Variants in RAPGEF1 observed in about 807,000 individuals in gnomAD.
The protein encoded by RAPGEF1 is CRK SH3-binding GNRP.
RAPGEF1 carries 33 observed loss-of-function variants against 143.3 expected under a neutral mutation model. That is an observed-to-expected ratio of 0.23 (90% CI 0.17 to 0.31). The LOEUF is 0.31. Ranked by LOEUF, RAPGEF1 falls within the 10% of genes least tolerant of loss-of-function variation. RAPGEF1 has a pLI of 1.00. For missense variants in RAPGEF1, 1,199 were observed against 1,645.4 expected, an observed-to-expected ratio of 0.73 and a Z score of 4.69; for synonymous variants, 629 against 676.5, an observed-to-expected ratio of 0.93 and a Z score of 1.09.
intron 10 of RAPGEF1, 68 bp from the exon 11 acceptor site, chr9:131,622,066 T>C: frequency 7.0e-7 from 1 of 1,424,188 alleles, no homozygotes; most frequent in Non-Finnish European, 9.7e-7. Flanking sequence ...CTCCCCCCAT[T>C]CTTCCCACAG....
chr9:131,648,249 G>T (rs1970186769), intron 3 of RAPGEF1, among the ~76,000 whole-genome samples: 1 of 152,174 alleles, frequency 6.6e-6, no homozygotes, highest in Non-Finnish European at 1.5e-5. Flanking sequence ...AAATTAGCCA[G>T]GCGTGGTAGA....
At chr9:131,582,254 G>C (rs998401902) in intron 25 of RAPGEF1, among the ~76,000 whole-genome samples, 2 of 152,110 alleles carry the variant, frequency 1.3e-5, no homozygotes, top group African/African-American at 4.8e-5. Flanking sequence ...CCATGTGTGG[G>C]GAGAGGAGCC....
intron 1 of RAPGEF1, among the ~76,000 whole-genome samples, chr9:131,704,394 C>A (rs1834897378): frequency 6.6e-6 from 1 of 151,716 alleles, no homozygotes; most frequent in Non-Finnish European, 1.5e-5. Flanking sequence ...CTTAACTCAC[C>A]CCCTGCCACC....
At chr9:131,627,213 CAAAAAAAAAAA>C (rs10690802) in intron 9 of RAPGEF1, among the ~76,000 whole-genome samples, 14 of 97,406 alleles carry the variant, frequency 1.4e-4, no homozygotes, top group African/African-American at 6.5e-4. Context: ...GGCTCTGTCT[CAAAAAAAAAAA>C]AAAAAAAAAA....
At chr9:131,699,978 C>A (rs4740302) in intron 1 of RAPGEF1, among the ~76,000 whole-genome samples, 151,720 of 152,284 alleles carry the variant, frequency 1, 75,581 homozygotes, top group Middle Eastern at 1. Context: ...CTCCTTGTAG[C>A]TCTCTGACAG....
Position 131,643,356 on chromosome 9 carries a change from G to T in RAPGEF1, c.377C>A (p.Thr126Asn), listed in dbSNP as rs1286761126. The T allele has an allele frequency of 6.2e-7, 1 of 1,613,834 alleles. No homozygotes were observed. The highest frequency in any genetic ancestry group is 1.7e-5 in the Admixed American group (1 of 60,004). ...ATCAATTGCCATTTTGTCCACAATGGTCTTAAAGTAGCGCAGGGCACTGAC... is the reference window on the plus strand; with the variant it reads ...ATCAATTGCCATTTTGTCCACAATGTTCTTAAAGTAGCGCAGGGCACTGAC... Reference protein sequence around the residue: ...EVVSALRYFKTIVDKMAIDKK... With the variant: ...EVVSALRYFKNIVDKMAIDKK... The change falls in exon 4 of 27, where the codon ACC becomes AAC. Residue 126 changes from threonine (T) to asparagine (N), a missense_variant. By Grantham distance (65) the Thr-to-Asn change is moderately conservative. This residue lies in a region of RAPGEF1 where 613 missense variants were observed against 710.9 expected (regional missense o/e 0.86). Coordinates refer to ENST00000683357, the MANE Select transcript of RAPGEF1 (RefSeq NM_001377935.1).
intron 1 of RAPGEF1, among the ~76,000 whole-genome samples, chr9:131,721,793 C>A (rs1482596494): frequency 6.6e-6 from 1 of 151,952 alleles, no homozygotes; most frequent in Non-Finnish European, 1.5e-5. Flanking sequence ...TGGTATAGCA[C>A]CTATTTATAT....
At chr9:131,657,115 A>G (rs1034764600) in intron 1 of RAPGEF1, among the ~76,000 whole-genome samples, 9 of 152,332 alleles carry the variant, frequency 5.9e-5, no homozygotes, top group Middle Eastern at 6.8e-3. Flanking sequence ...GGTCATTCAC[A>G]CTATGCCTTT....
rs55684326 is a variant in RAPGEF1, at chr9:131,632,295, ATTTTT to A, written c.652-1976_652-1972del. ...AGGCACCTGCCACTGCACCCGGCTAATTTTTTTTTTTTTTTTTGTATTTTTAGTAG... is the reference window on the plus strand; with the variant it reads ...AGGCACCTGCCACTGCACCCGGCTAATTTTTTTTTTTTGTATTTTTAGTAG... On this transcript the variant is annotated intron_variant, in intron 5 of 26. Coordinates refer to ENST00000683357, the MANE Select transcript of RAPGEF1 (RefSeq NM_001377935.1). Among the ~76,000 whole-genome samples the A allele has an allele frequency of 4.4e-5, 6 of 136,094 alleles. 1 individual carries two copies. The highest frequency in any genetic ancestry group is 1.7e-4 in the African/African-American group (6 of 35,928). The allele number at this position is 136,094 out of a possible 152,430, so 89.3% of individuals were successfully genotyped here.
At chr9:131,660,427 A>T (rs1973717354) in intron 1 of RAPGEF1, among the ~76,000 whole-genome samples, 1 of 125,216 alleles carries the variant, frequency 8.0e-6, no homozygotes, top group Non-Finnish European at 1.6e-5. Flanking sequence ...CACACAGCAG[A>T]AATATTTTTT....
At chr9:131,596,268 C>T in intron 17 of RAPGEF1, 30 bp downstream of exon 17, 1 of 1,610,640 alleles carries the variant, frequency 6.2e-7, no homozygotes, top group African/African-American at 1.3e-5. Flanking sequence ...CAGGACCAGC[C>T]CCAATCTAGT....
At chr9:131,633,681 C>A (rs1228804181) in intron 5 of RAPGEF1, among the ~76,000 whole-genome samples, 2 of 152,224 alleles carry the variant, frequency 1.3e-5, no homozygotes, top group Non-Finnish European at 2.9e-5. Flanking sequence ...GCTCCCTACA[C>A]TAGCTCGCGT....
chr9:131,683,922 C>T (rs776764833), intron 1 of RAPGEF1, among the ~76,000 whole-genome samples: 1 of 152,192 alleles, frequency 6.6e-6, no homozygotes, highest in Non-Finnish European at 1.5e-5. Flanking sequence ...TAGAAGGCAC[C>T]CTTTTTACAT....
chr9:131,665,533 C>T (rs1024763995), intron 1 of RAPGEF1, among the ~76,000 whole-genome samples: 3 of 152,090 alleles, frequency 2.0e-5, no homozygotes, highest in Admixed American at 6.5e-5. Flanking sequence ...TCAGAGTAGT[C>T]CTTATAAGAG....
intron 5 of RAPGEF1, among the ~76,000 whole-genome samples, chr9:131,631,153 T>C (rs894275856): frequency 1.4e-4 from 21 of 147,492 alleles, no homozygotes; most frequent in African/African-American, 3.2e-4. Context: ...ATATCATACA[T>C]ACACTTTTGT....
chr9:131,606,584 G>A (rs1022360325), intron 12 of RAPGEF1, among the ~76,000 whole-genome samples: 2 of 152,260 alleles, frequency 1.3e-5, no homozygotes, highest in South Asian at 2.1e-4. Context: ...TGGAAAAGAG[G>A]AAGAAGAGGA....
chr9:131,647,966 C>A (rs1357934501), intron 3 of RAPGEF1, among the ~76,000 whole-genome samples: 1 of 151,846 alleles, frequency 6.6e-6, no homozygotes, highest in Non-Finnish European at 1.5e-5. Context: ...GCTTTGCCTT[C>A]CTATGGCAAC....
chr9:131,591,730 G>A (rs1316687319), intron 18 of RAPGEF1, among the ~76,000 whole-genome samples: 1 of 152,214 alleles, frequency 6.6e-6, no homozygotes, highest in Non-Finnish European at 1.5e-5. Flanking sequence ...CCGACCATGA[G>A]GGTCTCTCAG....
chr9:131,659,211 T>C (rs574404757), intron 1 of RAPGEF1, among the ~76,000 whole-genome samples: 3 of 152,336 alleles, frequency 2.0e-5, no homozygotes, highest in South Asian at 2.1e-4. Context: ...TTTTTAAAGA[T>C]GAGGATTTCC....
Sources: allele counts gnomAD v4.1 joint callset (sites outside exome capture counted in the v4.1 genomes callset), GRCh38; gene constraint gnomAD v4.1.1; regional missense constraint gnomAD v4.1.1; transcripts MANE v1.5; gene names NCBI Gene and HGNC (gene_info 2026-07-23, HGNC 2026-07-21).